The following PTPRT variants were observed in gnomAD, a reference collection of about 807,000 sequenced individuals.
The protein encoded by PTPRT is protein tyrosine phosphatase receptor type T.
PTPRT carries 56 observed loss-of-function variants against 176.8 expected under a neutral mutation model. The observed-to-expected ratio is 0.32, with a 90% CI of 0.26 to 0.40. The LOEUF is 0.40. Ranked by LOEUF, PTPRT falls within the 10% of genes least tolerant of loss-of-function variation. The probability of loss-of-function intolerance (pLI) is 1.00; values close to 1 mark genes in which losing one functional copy is unlikely to be tolerated. For missense variants in PTPRT, 1,540 were observed against 1,908.2 expected (o/e 0.81, Z 3.60); for synonymous variants, 783 against 739.0 (o/e 1.06, Z -0.96).
intron 1 of PTPRT, among the ~76,000 whole-genome samples, chr20:43,096,204 C>T (rs1429313170): frequency 1.3e-5 from 2 of 151,304 alleles, no homozygotes; most frequent in African/African-American, 4.9e-5. Flanking sequence ...CTCTGTCTCT[C>T]TGTTTTCCTT....
At chr20:42,056,908 C>A in the PTPRT span, among the ~76,000 whole-genome samples, 1 of 152,174 alleles carries the variant, frequency 6.6e-6, no homozygotes, top group Admixed American at 6.5e-5. Flanking sequence ...AATGGACCCT[C>A]CCCATCCATT....
chr20:42,505,588 C>G (rs1315582953), intron 7 of PTPRT, among the ~76,000 whole-genome samples: 2 of 151,972 alleles, frequency 1.3e-5, no homozygotes, highest in Non-Finnish European at 2.9e-5. Context: ...AGGTGTGAGC[C>G]ACCAAGCCTG....
intron 15 of PTPRT, among the ~76,000 whole-genome samples, chr20:42,224,341 T>C (rs1379705010): frequency 6.6e-6 from 1 of 152,218 alleles, no homozygotes; most frequent in Non-Finnish European, 1.5e-5. Context: ...ATTTTTGCCC[T>C]TTATTAAATG....
chr20:42,513,058 C>G (rs1216760493), intron 7 of PTPRT, among the ~76,000 whole-genome samples: 1 of 152,114 alleles, frequency 6.6e-6, no homozygotes, highest in African/African-American at 2.4e-5. Flanking sequence ...CAGGGTTTCA[C>G]CATGTTGGCC....
At chr20:42,651,717 G>A (rs560345621) in intron 7 of PTPRT, among the ~76,000 whole-genome samples, 38 of 152,250 alleles carry the variant, frequency 2.5e-4, no homozygotes, top group Admixed American at 9.8e-4. Context: ...ATGGACAAGT[G>A]ACTTCCTTCT....
chr20:42,500,813 T>A (rs2145415445), intron 7 of PTPRT, among the ~76,000 whole-genome samples: 1 of 152,316 alleles, frequency 6.6e-6, no homozygotes, highest in African/African-American at 2.4e-5. Context: ...ACTTAGCAAA[T>A]AATTTTATGC....
chr20:42,755,402 TG>T (rs1313454268), intron 6 of PTPRT, among the ~76,000 whole-genome samples: 1 of 152,204 alleles, frequency 6.6e-6, no homozygotes, highest in Non-Finnish European at 1.5e-5. Flanking sequence ...GTTTGCTTTT[TG>T]TTTTTTCCCT....
At position 42,199,326 on chromosome 20, in the gene PTPRT, G is replaced by A; in HGVS notation, c.2405C>T (p.Ala802Val). 1 of 1,614,126 alleles carries A rather than the reference G, an allele frequency of 6.2e-7. No individual in the cohort carries two copies. Among genetic ancestry groups the A allele is most frequent in the East Asian group, 2.2e-5 (1 of 44,866 alleles). ...CTTGGTGGTGGGTTTGTCGGCAGAGGCCACAGGCCCCATCTCCCTCTGGGC... is the reference window on the plus strand; with the variant it reads ...CTTGGTGGTGGGTTTGTCGGCAGAGACCACAGGCCCCATCTCCCTCTGGGC... ...SGAQREMGPV[A>V]SADKPTTKLS... The change falls in exon 16 of 31, where the codon GCC (alanine) becomes GTC (valine). Residue 802 changes from alanine to valine, a missense_variant. Physicochemically the swap from Ala to Val is moderately conservative, Grantham distance 64. Around this residue, in one of 11 missense-constraint regions of PTPRT, gnomAD observed 255 missense variants for 250.1 expected, o/e 1.02. Transcript: ENST00000373187.
intron 1 of PTPRT, among the ~76,000 whole-genome samples, chr20:42,886,866 G>A (rs943196013): frequency 6.6e-6 from 1 of 152,168 alleles, no homozygotes; most frequent in African/African-American, 2.4e-5. Flanking sequence ...GAAGTGAACA[G>A]GGCTTTGAAG....
At chr20:42,193,966 C>A (rs1285191127) in intron 16 of PTPRT, among the ~76,000 whole-genome samples, 6 of 152,110 alleles carry the variant, frequency 3.9e-5, no homozygotes, top group African/African-American at 1.4e-4. Context: ...GAGATGTATT[C>A]TCATTACGAC....
intron 7 of PTPRT, among the ~76,000 whole-genome samples, chr20:42,604,729 G>A (rs2035583350): frequency 6.6e-6 from 1 of 152,164 alleles, no homozygotes; most frequent in South Asian, 2.1e-4. Context: ...TAGAGTTGGG[G>A]GAACTGAGGC....
In PTPRT at chr20:42,119,013, GAAAAAAAAAAAA is replaced by G. The variant is rs11415242; in HGVS notation, c.2885-525_2885-514del. 2.4e-3 allele frequency among the ~76,000 whole-genome samples: 69 copies of G among 29,226 alleles called. 1 individual carries two copies. The highest frequency in any genetic ancestry group is 6.9e-3 in the Admixed American group (15 of 2,176). The allele number at this position is 29,226 out of a possible 152,430, so 19.2% of individuals were successfully genotyped here. ...CTCTAGGGCCTCAACAGAAAGGAAG[GAAAAAAAAAAAA>G]AAAAAAAAAAAAAAAAGACCAGGAG... On this transcript the variant is annotated intron_variant, in intron 20 of 30. Transcript: ENST00000373187.
chr20:42,819,940 G>A lies in PTPRT; in HGVS notation c.215-28474C>T, dbSNP rs192859887. On this transcript the variant is annotated intron_variant, in intron 2 of 30. Coordinates refer to ENST00000373187, the MANE Select transcript of PTPRT (RefSeq NM_007050.6). ...TAAGACAATCTTAGAGACCTACAAA[G>A]AGACTCAGATTCCCACACAATAATA... 2.0e-3 allele frequency among the ~76,000 whole-genome samples: 307 copies of A among 152,244 alleles called. 1 individual carries two copies. Among genetic ancestry groups the A allele is most frequent in the African/African-American group, 7.2e-3 (299 of 41,554 alleles).
At chr20:42,693,285 T>A (rs1319996148) in intron 6 of PTPRT, among the ~76,000 whole-genome samples, 5 of 152,162 alleles carry the variant, frequency 3.3e-5, no homozygotes, top group Non-Finnish European at 7.4e-5. Context: ...AGTTGTATAT[T>A]CTCCTTATGT....
chr20:42,683,061 C>G (rs1046742013), intron 6 of PTPRT, among the ~76,000 whole-genome samples: 1 of 152,068 alleles, frequency 6.6e-6, no homozygotes, highest in Non-Finnish European at 1.5e-5. Flanking sequence ...ACACTTTACA[C>G]CACACGTCTC....
In PTPRT at chr20:42,470,856, G is replaced by T. The variant is rs537514451; in HGVS notation, c.1450+1410C>A. ...TGTGTTCTAGCAGTAGTGGCTCTAG[G>T]TTCTTGGAGTCTCAAGTTATGAGGA... On this transcript the variant is annotated intron_variant, in intron 8 of 30. Coordinates refer to ENST00000373187, the MANE Select transcript of PTPRT (RefSeq NM_007050.6). Among the ~76,000 whole-genome samples, 226 of 150,782 alleles carry T rather than the reference G, an allele frequency of 1.5e-3. 1 individual carries two copies. Among genetic ancestry groups the T allele is most frequent in the Non-Finnish European group, 2.9e-3 (198 of 67,628 alleles).
At chr20:42,818,535 A>C (rs2077832581) in intron 2 of PTPRT, among the ~76,000 whole-genome samples, 1 of 152,238 alleles carries the variant, frequency 6.6e-6, no homozygotes, top group Non-Finnish European at 1.5e-5. Context: ...TGGATGGAGG[A>C]TCAGACAGAT....
intron 1 of PTPRT, among the ~76,000 whole-genome samples, chr20:42,951,375 G>A (rs1428044996): frequency 6.6e-6 from 1 of 151,356 alleles, no homozygotes; most frequent in African/African-American, 2.4e-5. Flanking sequence ...GACAGGAGAG[G>A]GATAGATGAA....
chr20:43,013,283 G>A (rs1252152276), intron 1 of PTPRT, among the ~76,000 whole-genome samples: 4 of 152,098 alleles, frequency 2.6e-5, no homozygotes, highest in Admixed American at 2.6e-4. Context: ...TGACCCATGT[G>A]TGGGGTATGG....
Sources: gnomAD v4.1 joint callset for allele counts (sites outside exome capture counted in the v4.1 genomes callset) on GRCh38, gnomAD v4.1.1 for gene constraint, gnomAD v4.1.1 regional missense constraint, MANE v1.5 for transcripts, NCBI Gene and HGNC (gene_info 2026-07-23, HGNC 2026-07-21) for gene names.